Variants in ARHGAP12 observed in about 807,000 individuals in gnomAD.
ARHGAP12 encodes the protein rho GTPase-activating protein 12.
A neutral mutation model predicts 108.6 loss-of-function variants in ARHGAP12; 64 were observed. The observed-to-expected ratio is 0.59, with a 90% CI of 0.48 to 0.73. The LOEUF is 0.73. Among genes scored for constraint, ARHGAP12 ranks in the 30% least tolerant of loss-of-function variants. The pLI is 0.00. For missense variants in ARHGAP12, 940 were observed against 1,005.9 expected (o/e 0.93, Z 0.89); for synonymous variants, 312 against 337.2 (o/e 0.93, Z 0.82).
intron 1 of ARHGAP12, among the ~76,000 whole-genome samples, chr10:31,913,985 C>A (rs1839458392): frequency 6.6e-6 from 1 of 152,076 alleles, no homozygotes; most frequent in Non-Finnish European, 1.5e-5. Context: ...ACTTGGTGCA[C>A]AGCACAAATC....
intron 1 of ARHGAP12, among the ~76,000 whole-genome samples, chr10:31,910,782 A>T (rs1178551611): frequency 4.6e-5 from 7 of 152,142 alleles, no homozygotes; most frequent in Admixed American, 6.6e-5. Flanking sequence ...GCCCTCTCCC[A>T]CTGTACTTCC....
chr10:31,830,240 C>T (rs2132198938), intron 10 of ARHGAP12, among the ~76,000 whole-genome samples: 1 of 152,096 alleles, frequency 6.6e-6, no homozygotes, highest in East Asian at 1.9e-4. Flanking sequence ...TTAAAGGAGT[C>T]TTCAGACCAA....
intron 6 of ARHGAP12, among the ~76,000 whole-genome samples, chr10:31,844,138 AT>A (rs1186586672): frequency 6.6e-6 from 1 of 152,162 alleles, no homozygotes; most frequent in African/African-American, 2.4e-5. Context: ...TGAGTTGAAG[AT>A]ATCTTTTCCT....
intron 9 of ARHGAP12, among the ~76,000 whole-genome samples, chr10:31,838,854 T>C (rs1836133403): frequency 7.0e-6 from 1 of 142,952 alleles, no homozygotes; most frequent in Non-Finnish European, 1.5e-5. Flanking sequence ...AAAAAAAATT[T>C]AGCAGAGCGT....
At chr10:31,865,005 C>G (rs1219523387) in intron 3 of ARHGAP12, among the ~76,000 whole-genome samples, 1 of 151,992 alleles carries the variant, frequency 6.6e-6, no homozygotes, top group Non-Finnish European at 1.5e-5. Flanking sequence ...GGGGAAACAG[C>G]AGGGAGGAAG....
chr10:31,922,224 G>C (rs1324817619), intron 1 of ARHGAP12, among the ~76,000 whole-genome samples: 3 of 104,854 alleles, frequency 2.9e-5, no homozygotes, highest in African/African-American at 1.0e-4. Context: ...AAAAAGCACA[G>C]ATCAGTAAAA....
chr10:31,876,528 A>G lies in ARHGAP12; in HGVS notation c.685-14870T>C, dbSNP rs188480729. 8.6e-3 allele frequency among the ~76,000 whole-genome samples: 1,247 copies of G among 144,990 alleles called. 26 individuals are homozygous for G. Among genetic ancestry groups the G allele is most frequent in the African/African-American group, 0.032 (1,182 of 37,512 alleles). On this transcript the variant is annotated intron_variant, in intron 3 of 19. Transcript: ENST00000344936. ...CATCTCAAAAAAAACAAAAACAAAA[A>G]CAAAAACAAAAAACCACCAAAAAAA... is the stretch of plus-strand genomic sequence containing the variant.
intron 3 of ARHGAP12, among the ~76,000 whole-genome samples, chr10:31,882,431 A>T (rs1229375587): frequency 6.6e-6 from 1 of 152,192 alleles, no homozygotes; most frequent in East Asian, 1.9e-4. Flanking sequence ...GAAAAAGTCA[A>T]ATTTTTCAAA....
chr10:31,910,331 T>C (rs1414461371), intron 2 of ARHGAP12, among the ~76,000 whole-genome samples, 194 bp downstream of exon 2: 1 of 152,174 alleles, frequency 6.6e-6, no homozygotes, highest in Non-Finnish European at 1.5e-5. Flanking sequence ...CTGAGCATAT[T>C]ATTCTACACT....
chr10:31,894,075 C>T (rs1392321342), intron 3 of ARHGAP12, among the ~76,000 whole-genome samples: 1 of 152,226 alleles, frequency 6.6e-6, no homozygotes, highest in East Asian at 1.9e-4. Context: ...TCTCAATAAA[C>T]TAGGTATTGA....
intron 4 of ARHGAP12, among the ~76,000 whole-genome samples, chr10:31,854,814 C>T (rs1592292892): frequency 6.6e-6 from 1 of 151,028 alleles, no homozygotes; most frequent in African/African-American, 2.4e-5. Context: ...TACAGAAAGA[C>T]AAATAAAAAA....
chr10:31,923,159 A>G (rs1350757904), intron 1 of ARHGAP12, among the ~76,000 whole-genome samples: 1 of 145,478 alleles, frequency 6.9e-6, no homozygotes, highest in South Asian at 2.2e-4. Flanking sequence ...AAAACAGGCA[A>G]AATATTTAAA....
At chr10:31,919,882 G>A (rs1839718920) in intron 1 of ARHGAP12, among the ~76,000 whole-genome samples, 1 of 152,026 alleles carries the variant, frequency 6.6e-6, no homozygotes, top group African/African-American at 2.4e-5. Context: ...ACTTTGGGAG[G>A]ATGAGGTGGG....
chr10:31,919,809 CA>C (rs1490604899), intron 1 of ARHGAP12, among the ~76,000 whole-genome samples: 2 of 139,268 alleles, frequency 1.4e-5, no homozygotes, highest in South Asian at 2.3e-4. Flanking sequence ...AAAACAAAAC[CA>C]AAAAAAACAA....
At chr10:31,848,080 T>C (rs1592284423) in intron 6 of ARHGAP12, among the ~76,000 whole-genome samples, 1 of 152,054 alleles carries the variant, frequency 6.6e-6, no homozygotes, top group Non-Finnish European at 1.5e-5. Context: ...ATGGCAGAGG[T>C]GCAAGAGCAA....
At chr10:31,830,888 A>G (rs958769801) in intron 10 of ARHGAP12, among the ~76,000 whole-genome samples, 7 of 152,258 alleles carry the variant, frequency 4.6e-5, no homozygotes, top group Admixed American at 1.3e-4. Context: ...AAAGAATTTA[A>G]CAACATACTA....
intron 3 of ARHGAP12, among the ~76,000 whole-genome samples, chr10:31,867,687 T>A (rs1037613012): frequency 6.6e-6 from 1 of 152,116 alleles, no homozygotes; most frequent in African/African-American, 2.4e-5. Context: ...TCAAGAGTTT[T>A]AAAAAAATAT....
intron 3 of ARHGAP12, among the ~76,000 whole-genome samples, chr10:31,886,566 G>A (rs1038640104): frequency 1.3e-5 from 2 of 152,164 alleles, no homozygotes; most frequent in African/African-American, 4.8e-5. Context: ...CAGTAGCCAA[G>A]AATTCTGAAA....
chr10:31,819,325 C>G (rs1477752703), intron 12 of ARHGAP12, among the ~76,000 whole-genome samples: 3 of 152,010 alleles, frequency 2.0e-5, no homozygotes, highest in African/African-American at 7.3e-5. Flanking sequence ...AGCAATTAAA[C>G]CAATCTGTCT....
Sources: gnomAD v4.1 joint callset for allele counts (sites outside exome capture counted in the v4.1 genomes callset) on GRCh38, gnomAD v4.1.1 for gene constraint, MANE v1.5 for transcripts, NCBI Gene and HGNC (gene_info 2026-07-23, HGNC 2026-07-21) for gene names.